Variants in NOL4L observed in about 807,000 individuals in gnomAD.
The protein encoded by NOL4L is nucleolar protein 4-like.
NOL4L carries 7 observed loss-of-function variants against 64.5 expected under a neutral mutation model. The ratio of observed to expected loss-of-function variants is 0.11; its 90% CI spans 0.06 to 0.20. NOL4L has a LOEUF of 0.20. Among genes scored for constraint, NOL4L ranks in the 10% least tolerant of loss-of-function variants. NOL4L has a pLI of 1.00. For missense variants in NOL4L, 680 were observed against 967.1 expected (o/e 0.70, Z 3.94); for synonymous variants, 413 against 401.0 (o/e 1.03, Z -0.36).
Position 32,453,952 on chromosome 20 carries a change from T to G in NOL4L, c.1120-191A>C. On this transcript the variant is annotated intron_variant, in intron 6 of 10. Transcript: ENST00000621426. The surrounding 1 kb of genome is among the most constrained non-coding windows in gnomAD (Gnocchi z 5.6). ...TTCATCTGTGCAATGGGGACAGCAA[T>G]GCTACCACCTCCCTCCCTGGGCTGC... The G allele has an allele frequency of 3.3e-6, 2 of 603,610 alleles. No homozygotes were observed. The highest frequency in any genetic ancestry group is 4.0e-5 in the South Asian group (2 of 50,208). The allele number at this position is 603,610 out of a possible 1,614,324, so 37.4% of individuals were successfully genotyped here. A position where few individuals can be genotyped will look rare whatever the true frequency, so the allele number is the denominator to read the frequency against.
chr20:32,498,522 G>A (rs1486358713), intron 4 of NOL4L, among the ~76,000 whole-genome samples: 5 of 151,856 alleles, frequency 3.3e-5, no homozygotes, highest in Admixed American at 2.6e-4. Flanking sequence ...CAGCACTTTA[G>A]GAGGCCAAAG....
chr20:32,500,597 G>C (rs1224588445), intron 4 of NOL4L, among the ~76,000 whole-genome samples: 2 of 144,244 alleles, frequency 1.4e-5, no homozygotes, highest in Non-Finnish European at 3.0e-5. Context: ...GGATGGTCTC[G>C]ATCCGATATT....
intron 1 of NOL4L, among the ~76,000 whole-genome samples, chr20:32,567,489 C>T (rs914046785): frequency 6.6e-6 from 1 of 152,222 alleles, no homozygotes; most frequent in Admixed American, 6.5e-5. Context: ...TTTGTCCAAA[C>T]TTACTTGGGC....
Position 32,453,046 on chromosome 20 carries a change from GGGGGCCCT to G in NOL4L, c.1498-48_1498-41del, listed in dbSNP as rs1205823175. On this transcript the variant is annotated intron_variant, in intron 8 of 10. Coordinates refer to ENST00000621426, the MANE Select transcript of NOL4L (RefSeq NM_001256798.2). This position sits in a 1 kb window ranked among gnomAD's most constrained non-coding sequence, Gnocchi z 5.6. ...GGGATGGAGCTAGCATGGGGCCCGT[GGGGGCCCT>G]GGGCTTGTGCAGAGACCCTGCCCCA... 1 of 1,608,298 alleles carries G rather than the reference GGGGGCCCT, an allele frequency of 6.2e-7. No homozygotes were observed. The highest frequency in any genetic ancestry group is 1.1e-5 in the South Asian group (1 of 90,996).
chr20:32,559,420 C>G (rs966281395), intron 1 of NOL4L, among the ~76,000 whole-genome samples: 2 of 152,238 alleles, frequency 1.3e-5, no homozygotes, highest in African/African-American at 4.8e-5. Flanking sequence ...AGGTCAGAGT[C>G]TAACACACAG....
Position 32,566,664 on chromosome 20 carries a change from C to T in NOL4L, c.321+17906G>A, listed in dbSNP as rs562009788. Among the ~76,000 whole-genome samples the T allele has an allele frequency of 2.6e-5, 4 of 152,266 alleles. No homozygotes were observed. The South Asian group carries it at 8.3e-4, about 32-fold the overall frequency. On this transcript the variant is annotated intron_variant, in intron 1 of 10. Coordinates refer to ENST00000621426, the MANE Select transcript of NOL4L (RefSeq NM_001256798.2). Reference sequence around the variant, plus strand: ...CCACCCAATTCCCGTATAATTTGCTCCTACGGGGCTCTGCTCAAAATGTCA... The same window carrying T: ...CCACCCAATTCCCGTATAATTTGCTTCTACGGGGCTCTGCTCAAAATGTCA...
At chr20:32,584,502 C>A in intron 1 of NOL4L, 68 bp downstream of exon 1, 1 of 965,506 alleles carries the variant, frequency 1.0e-6, no homozygotes. Flanking sequence ...ACACCCCCAC[C>A]CCGCCCCCGC....
chr20:32,486,667 A>G (rs1303533792), intron 4 of NOL4L: 1 of 461,992 alleles, frequency 2.2e-6, no homozygotes, highest in East Asian at 7.0e-5. Context: ...CCCACAAATG[A>G]CTTATTAATG....
In NOL4L at chr20:32,444,072, TTCC is replaced by T. The variant is rs2012234402; in HGVS notation, c.*3521_*3523del. 6.6e-6 allele frequency: 1 copy of T among 152,212 alleles called. No individual in the cohort carries two copies. Among genetic ancestry groups the T allele is most frequent in the African/African-American group, 2.4e-5 (1 of 41,448 alleles). 9.4% of individuals were successfully genotyped at this position (152,212 alleles called of 1,614,324 possible). On this transcript the variant is annotated 3_prime_UTR_variant, in exon 11 of 11. Transcript: ENST00000621426. ...GCAGATGAGCTTAGTGAGGTGCATC[TTCC>T]TCCTCAAGAGCAAGTCTTGCAGAAC...
At chr20:32,512,444 G>A (rs2017450885) in intron 3 of NOL4L, among the ~76,000 whole-genome samples, 1 of 152,176 alleles carries the variant, frequency 6.6e-6, no homozygotes, top group South Asian at 2.1e-4. Context: ...CCAAATTCTG[G>A]TTCCTCCTTC....
At position 32,558,328 on chromosome 20, in the gene NOL4L, CG is replaced by C. The variant is rs148349846; in HGVS notation, c.321+26241del. 7.5e-3 allele frequency among the ~76,000 whole-genome samples: 1,144 copies of C among 152,210 alleles called. 11 individuals are homozygous for C. The highest frequency in any genetic ancestry group is 0.027 in the African/African-American group (1,107 of 41,506). Reference sequence around the variant, plus strand: ...CACGATCAAGAGAGCTGCTGAAATCCGCATCGTAATCTAACCCTGATTTGCT... The same window carrying C: ...CACGATCAAGAGAGCTGCTGAAATCCCATCGTAATCTAACCCTGATTTGCT... On this transcript the variant is annotated intron_variant, in intron 1 of 10. Coordinates refer to ENST00000621426, the MANE Select transcript of NOL4L (RefSeq NM_001256798.2).
intron 1 of NOL4L, among the ~76,000 whole-genome samples, chr20:32,564,274 G>A (rs1294767374): frequency 6.6e-6 from 1 of 152,194 alleles, no homozygotes; most frequent in East Asian, 1.9e-4. Flanking sequence ...GGGAGCTAAC[G>A]ATTGAAAAAG....
chr20:32,584,937 C>A lies in NOL4L; in HGVS notation c.-47G>T. The A allele has an allele frequency of 9.3e-7, 1 of 1,070,320 alleles. No individual in the cohort carries two copies. Among genetic ancestry groups the A allele is most frequent in the Non-Finnish European group, 1.1e-6 (1 of 880,170 alleles). 66.3% of individuals were successfully genotyped at this position (1,070,320 alleles called of 1,614,324 possible). A position where few individuals can be genotyped will look rare whatever the true frequency, so the allele number is the denominator to read the frequency against. On this transcript the variant is annotated 5_prime_UTR_variant, in exon 1 of 11. Transcript: ENST00000621426. The stretch of plus-strand genomic sequence containing the variant: ...CTCGGGGGCGGGCCGGCCGCCGGGC[C>A]GCCCGGTGCCGGGACTGGGCTGGGC...
At chr20:32,537,007 T>A in intron 1 of NOL4L, 1 of 875,160 alleles carries the variant, frequency 1.1e-6, no homozygotes, top group Non-Finnish European at 1.4e-6. Flanking sequence ...CCCGCCGGCC[T>A]CGCGTCCCCC....
In NOL4L at chr20:32,463,733, C is replaced by T. The variant is rs893706908; in HGVS notation, c.842-7338G>A. ...TCAGCAAACAATGCCCTTATGTGGG[C>T]GCCAGTGCCCCGCAGCCCGCACAAG... On this transcript the variant is annotated intron_variant, in intron 5 of 10. Transcript: ENST00000621426. This position sits in a 1 kb window ranked among gnomAD's most constrained non-coding sequence, Gnocchi z 5.8. Among the ~76,000 whole-genome samples, 2 of 152,180 alleles carry T rather than the reference C, an allele frequency of 1.3e-5. No individual in the cohort carries two copies. Among genetic ancestry groups the T allele is most frequent in the African/African-American group, 2.4e-5 (1 of 41,446 alleles).
intron 2 of NOL4L, 32 bp from the exon 3 acceptor site, chr20:32,520,954 G>A (rs1196655196): frequency 6.2e-6 from 9 of 1,459,114 alleles, no homozygotes; most frequent in Non-Finnish European, 7.5e-6. Context: ...CTTGTTATAT[G>A]GATCTGTGGG....
intron 1 of NOL4L, among the ~76,000 whole-genome samples, chr20:32,571,957 G>C (rs999846103): frequency 3.9e-5 from 6 of 152,178 alleles, no homozygotes; most frequent in African/African-American, 1.4e-4. Context: ...GATCCCTGAG[G>C]GTGAACCCTA....
chr20:32,574,857 C>T (rs1054093603), intron 1 of NOL4L, among the ~76,000 whole-genome samples: 1 of 152,030 alleles, frequency 6.6e-6, no homozygotes, highest in South Asian at 2.1e-4. Flanking sequence ...GGATGCTGTG[C>T]CCCAGATCCT....
chr20:32,465,780 C>A (rs139319654), intron 5 of NOL4L, among the ~76,000 whole-genome samples: 4 of 152,234 alleles, frequency 2.6e-5, no homozygotes, highest in Admixed American at 6.5e-5. Context: ...GACGCCAACG[C>A]GGCCTGGTCA....
Sources: allele counts gnomAD v4.1 joint callset (sites outside exome capture counted in the v4.1 genomes callset), GRCh38; gene constraint gnomAD v4.1.1; non-coding constraint Gnocchi (gnomAD v3.1); transcripts MANE v1.5; gene names NCBI Gene and HGNC (gene_info 2026-07-23, HGNC 2026-07-21).